The following LYPD6 variants were observed in gnomAD, a reference collection of about 807,000 sequenced individuals.
LYPD6 encodes the protein LY6/PLAUR domain containing 6.
Under a neutral mutation model 22.7 loss-of-function variants are expected in LYPD6, and 15 were observed. The observed-to-expected ratio is 0.66, with a 90% CI of 0.44 to 1.02. The LOEUF (loss-of-function observed/expected upper bound fraction) is 1.02. Ranked by LOEUF, LYPD6 falls within the 50% of genes least tolerant of loss-of-function variation. The pLI is 0.00. For missense variants in LYPD6, 189 were observed against 208.4 expected, an observed-to-expected ratio of 0.91 and a Z score of 0.57; for synonymous variants, 72 against 77.5, an observed-to-expected ratio of 0.93 and a Z score of 0.37.
At chr2:149,374,769 C>A (rs1355291720) in intron 1 of LYPD6, among the ~76,000 whole-genome samples, 2 of 152,296 alleles carry the variant, frequency 1.3e-5, no homozygotes, top group East Asian at 3.9e-4. Context: ...TTTTACTATA[C>A]ATGGTTAATA....
chr2:149,388,986 C>T (rs975674853), intron 1 of LYPD6, among the ~76,000 whole-genome samples: 3 of 152,154 alleles, frequency 2.0e-5, no homozygotes, highest in African/African-American at 7.2e-5. Context: ...TAGGTTAGTA[C>T]TGTACTGCAC....
At chr2:149,375,483 C>T (rs746335774) in intron 1 of LYPD6, among the ~76,000 whole-genome samples, 1 of 152,106 alleles carries the variant, frequency 6.6e-6, no homozygotes, top group Non-Finnish European at 1.5e-5. Context: ...GAAAATAAAG[C>T]TCAGCAAGTT....
At chr2:149,419,129 T>G (rs952193516) in intron 1 of LYPD6, among the ~76,000 whole-genome samples, 4 of 152,240 alleles carry the variant, frequency 2.6e-5, no homozygotes, top group Non-Finnish European at 5.9e-5. Context: ...TATATCATTT[T>G]CAGCCATCAA....
chr2:149,407,602 C>A (rs78236154), intron 1 of LYPD6, among the ~76,000 whole-genome samples: 2 of 152,172 alleles, frequency 1.3e-5, no homozygotes, highest in African/African-American at 4.8e-5. Flanking sequence ...TTAAGCACTT[C>A]TCTGTATTGG....
downstream of LYPD6, among the ~76,000 whole-genome samples, chr2:149,474,926 G>A (rs368851330): frequency 6.6e-6 from 1 of 152,024 alleles, no homozygotes; most frequent in Non-Finnish European, 1.5e-5. Flanking sequence ...CTGCCACCAC[G>A]CCCAGCTAAT....
intron 1 of LYPD6, among the ~76,000 whole-genome samples, chr2:149,366,937 G>A (rs529121456): frequency 4.6e-5 from 7 of 152,068 alleles, no homozygotes; most frequent in African/African-American, 1.7e-4. Flanking sequence ...TTTAGAATAC[G>A]AAAATGATTT....
chr2:149,407,174 T>G (rs1173960023), intron 1 of LYPD6, among the ~76,000 whole-genome samples: 3 of 152,254 alleles, frequency 2.0e-5, no homozygotes, highest in Non-Finnish European at 2.9e-5. Flanking sequence ...CAGTTTTTCC[T>G]TCATTTCAGC....
At chr2:149,396,320 C>G (rs1682428429) in intron 1 of LYPD6, among the ~76,000 whole-genome samples, 1 of 151,588 alleles carries the variant, frequency 6.6e-6, no homozygotes, top group Non-Finnish European at 1.5e-5. Flanking sequence ...AGTTTTGTTC[C>G]TTTATATTTT....
In LYPD6 at chr2:149,424,399, G is replaced by A. The variant is rs535670952; in HGVS notation, c.-71-13239G>A. ...ATATTAATTCGTATCTTGTCCCTAC[G>A]GCATAGAAGCTATCGGTCTCATTTT... On this transcript the variant is annotated intron_variant, in intron 1 of 4. Transcript: ENST00000334166. Among the ~76,000 whole-genome samples, 456 of 152,216 alleles carry A rather than the reference G, an allele frequency of 3.0e-3. 1 individual carries two copies. Among genetic ancestry groups the A allele is most frequent in the African/African-American group, 0.01 (428 of 41,528 alleles).
At chr2:149,372,265 C>T (rs984967008) in intron 1 of LYPD6, among the ~76,000 whole-genome samples, 4 of 152,156 alleles carry the variant, frequency 2.6e-5, no homozygotes, top group Non-Finnish European at 4.4e-5. Flanking sequence ...ATCAGTAAGA[C>T]CTTACGCCTG....
intron 1 of LYPD6, among the ~76,000 whole-genome samples, chr2:149,381,741 T>G (rs1442159772): frequency 6.6e-6 from 1 of 152,238 alleles, no homozygotes; most frequent in Non-Finnish European, 1.5e-5. Context: ...TACCAAGTGC[T>G]TTCTCATATG....
At chr2:149,382,242 A>G (rs1340403140) in intron 1 of LYPD6, among the ~76,000 whole-genome samples, 1 of 152,192 alleles carries the variant, frequency 6.6e-6, no homozygotes, top group East Asian at 1.9e-4. Flanking sequence ...AGTGCAAAGT[A>G]TTATCATAAA....
intron 1 of LYPD6, among the ~76,000 whole-genome samples, chr2:149,341,228 T>G (rs1405572): frequency 0.28 from 42,753 of 151,942 alleles, 6,660 homozygotes; most frequent in East Asian, 0.61. Flanking sequence ...GTTGTGCCTT[T>G]TTCTCAGTCA....
intron 1 of LYPD6, among the ~76,000 whole-genome samples, chr2:149,358,094 T>A (rs1031973156): frequency 3.9e-5 from 6 of 152,196 alleles, no homozygotes; most frequent in Non-Finnish European, 5.9e-5. Flanking sequence ...CTGAAATACA[T>A]TATATTTCAA....
At chr2:149,441,014 C>T (rs1683556466) in intron 2 of LYPD6, among the ~76,000 whole-genome samples, 1 of 152,014 alleles carries the variant, frequency 6.6e-6, no homozygotes, top group Non-Finnish European at 1.5e-5. Context: ...CTATTCTGTC[C>T]ACTTTTAAAT....
At chr2:149,341,339 C>A (rs916714589) in intron 1 of LYPD6, among the ~76,000 whole-genome samples, 1 of 152,094 alleles carries the variant, frequency 6.6e-6, no homozygotes, top group Admixed American at 6.6e-5. Context: ...CCCAAAGATG[C>A]CTTTTCTCCT....
chr2:149,404,506 GAGTTCACTCAT>G (rs1682647568), intron 1 of LYPD6, among the ~76,000 whole-genome samples: 3 of 152,176 alleles, frequency 2.0e-5, no homozygotes, highest in Admixed American at 2.0e-4. Flanking sequence ...TTGTGAATGG[GAGTTCACTCAT>G]GATTTGGCTC....
intron 3 of LYPD6, 53 bp from the exon 4 acceptor site, chr2:149,468,592 T>C: frequency 6.3e-7 from 1 of 1,585,358 alleles, no homozygotes; most frequent in Non-Finnish European, 8.6e-7. Context: ...ATTTTCCTTT[T>C]AGGCAGGTTT....
chr2:149,437,809 T>G lies in LYPD6; in HGVS notation c.101T>G (p.Ile34Ser). Residue 34 changes from isoleucine to serine, a missense_variant, in exon 2 of 5, where the codon ATC becomes AGC. Ile to Ser is a moderately radical substitution (Grantham distance 142). Coordinates refer to ENST00000334166, the MANE Select transcript of LYPD6 (RefSeq NM_194317.5). ...CGAGACTTCACAGTGAAAGACATTA[T>G]CTACCTCCATCCTTCAAGTAAGACT... ...QSRDFTVKDI[I>S]YLHPSTTPYP... The G allele has an allele frequency of 6.2e-7, 1 of 1,614,172 alleles. No individual in the cohort carries two copies. Among genetic ancestry groups the G allele is most frequent in the South Asian group, 1.1e-5 (1 of 91,086 alleles).
Sources: allele counts gnomAD v4.1 joint callset (sites outside exome capture counted in the v4.1 genomes callset), GRCh38; gene constraint gnomAD v4.1.1; transcripts MANE v1.5; gene names NCBI Gene and HGNC (gene_info 2026-07-23, HGNC 2026-07-21).